CPXM2: variants seen among roughly 807,000 people sequenced by gnomAD.
CPXM2 encodes the protein inactive carboxypeptidase-like protein X2.
CPXM2 carries 66 observed loss-of-function variants against 86.1 expected under a neutral mutation model. That is an observed-to-expected ratio of 0.77 (90% CI 0.63 to 0.94). The LOEUF (loss-of-function observed/expected upper bound fraction) is 0.94, where lower values mean the gene tolerates loss of function less well. CPXM2 is among the 40% of genes least tolerant of loss of function. CPXM2 has a pLI of 0.00. For missense variants in CPXM2, 948 were observed against 1,026.3 expected, an observed-to-expected ratio of 0.92 and a Z score of 1.04; for synonymous variants, 388 against 400.2, an observed-to-expected ratio of 0.97 and a Z score of 0.36.
intron 10 of CPXM2, among the ~76,000 whole-genome samples, chr10:123,763,982 T>C (rs1280976575): frequency 2.0e-5 from 3 of 152,202 alleles, no homozygotes; most frequent in Non-Finnish European, 1.5e-5. Flanking sequence ...CCTCCCACAC[T>C]GGGGGCTTTT....
chr10:123,776,885 T>C (rs1258010701), intron 7 of CPXM2: 1 of 152,230 alleles, frequency 6.6e-6, no homozygotes, highest in African/African-American at 2.4e-5. Context: ...ATATTGTTTA[T>C]CCAGTGAATG....
rs776975412 is a variant in CPXM2, at chr10:123,842,484, C to T, written c.518G>A (p.Gly173Asp). ...AHRGRLNIQA[G>D]INENDFYDGA... The stretch of plus-strand genomic sequence containing the variant: ...GTCATAAAAATCATTTTCATTAATG[C>T]CCGCCTAGAAAGAAAGAAAGCGGTG... Residue 173 changes from glycine (G) to aspartate (D), a missense_variant, in exon 4 of 14, where the codon GGC (glycine) becomes GAC (aspartate). Physicochemically the swap from Gly to Asp is moderately conservative, Grantham distance 94 (BLOSUM62 -1). Transcript: ENST00000241305. 11 of 1,613,996 alleles carry T rather than the reference C, an allele frequency of 6.8e-6. No individual in the cohort carries two copies. The highest frequency in any genetic ancestry group is 9.3e-6 in the Non-Finnish European group (11 of 1,179,910).
rs145942599 is a variant in CPXM2, at chr10:123,844,143, G to A, written c.514-1655C>T. On this transcript the variant is annotated intron_variant, in intron 3 of 13. Coordinates refer to ENST00000241305, the MANE Select transcript of CPXM2 (RefSeq NM_198148.3). ...GTGCCTGGGAGAATTCAGTGAAAGA[G>A]GAGGTACCAGCCCCAGAGATGTTAC... 3.6e-4 allele frequency among the ~76,000 whole-genome samples: 55 copies of A among 152,238 alleles called. No individual in the cohort carries two copies. The East Asian group carries it at 8.1e-3, about 22-fold the overall frequency.
chr10:123,798,618 A>C (rs1054953221), intron 5 of CPXM2, among the ~76,000 whole-genome samples: 1 of 152,166 alleles, frequency 6.6e-6, no homozygotes, highest in Non-Finnish European at 1.5e-5. Flanking sequence ...TAAGAATGAG[A>C]AAGAAGGTTG....
chr10:123,881,407 G>T (rs1477146569), intron 1 of CPXM2, among the ~76,000 whole-genome samples: 1 of 151,840 alleles, frequency 6.6e-6, no homozygotes, highest in Non-Finnish European at 1.5e-5. Context: ...GTTGCCTCTA[G>T]GTAGAGCCTG....
At chr10:123,765,183 GAGA>G (rs1846440152) in intron 10 of CPXM2, among the ~76,000 whole-genome samples, 1 of 152,166 alleles carries the variant, frequency 6.6e-6, no homozygotes, top group South Asian at 2.1e-4. Context: ...CAGGATTATT[GAGA>G]AGAATATTCT....
chr10:123,845,230 C>T (rs554830421), intron 3 of CPXM2, among the ~76,000 whole-genome samples: 8 of 152,066 alleles, frequency 5.3e-5, no homozygotes, highest in African/African-American at 1.4e-4. Context: ...AAACAGTAAC[C>T]TCTGGGGGCA....
At chr10:123,838,438 A>G (rs1848320491) in intron 4 of CPXM2, among the ~76,000 whole-genome samples, 1 of 152,212 alleles carries the variant, frequency 6.6e-6, no homozygotes, top group East Asian at 1.9e-4. Flanking sequence ...TGGGTGACAG[A>G]GCGAGACTCC....
At chr10:123,857,158 T>C (rs543761102) in intron 3 of CPXM2, among the ~76,000 whole-genome samples, 1 of 152,180 alleles carries the variant, frequency 6.6e-6, no homozygotes, top group Non-Finnish European at 1.5e-5. Context: ...AATGTAGTGA[T>C]AAAATGTAAA....
chr10:123,799,752 A>T (rs573017853), intron 4 of CPXM2, among the ~76,000 whole-genome samples: 3 of 152,204 alleles, frequency 2.0e-5, no homozygotes, highest in Non-Finnish European at 4.4e-5. Flanking sequence ...TCCCCACCCC[A>T]GGAAGAATCC....
chr10:123,831,285 T>C (rs10218895), intron 4 of CPXM2, among the ~76,000 whole-genome samples: 54,766 of 151,954 alleles, frequency 0.36, 11,890 homozygotes, highest in African/African-American at 0.61. Flanking sequence ...CTTGAGGGAC[T>C]GGGAAGAGAG....
chr10:123,827,174 G>C (rs1848066039), intron 4 of CPXM2, among the ~76,000 whole-genome samples: 1 of 152,140 alleles, frequency 6.6e-6, no homozygotes, highest in South Asian at 2.1e-4. Context: ...AACATTATCT[G>C]ATGCAATGAG....
intron 2 of CPXM2, among the ~76,000 whole-genome samples, chr10:123,916,584 C>T (rs1945535068): frequency 1.3e-5 from 2 of 152,162 alleles, no homozygotes; most frequent in African/African-American, 2.4e-5. Flanking sequence ...GCTTTCCATG[C>T]GTGCATCTGG....
intron 2 of CPXM2, among the ~76,000 whole-genome samples, chr10:123,909,492 C>T (rs1456649272): frequency 6.6e-6 from 1 of 152,230 alleles, no homozygotes. Flanking sequence ...CAAGCGGAAG[C>T]CCGGCCAGGC....
In CPXM2 at chr10:123,754,673, G is replaced by A. The variant is rs776026818; in HGVS notation, c.2007C>T (p.Asp669=). ...CACATTTGCAGTTACCTGTTCGGAT[G>A]TCATGGTTAATGCCTTCTACGGAGA... ...AIISVEGINH[D]IRTANDGDYW... The change falls in exon 13 of 14, where the codon GAC becomes GAT. Residue 669 remains aspartate (D), a synonymous_variant. Coordinates refer to ENST00000241305, the MANE Select transcript of CPXM2 (RefSeq NM_198148.3). The surrounding 1 kb of genome is among the most constrained non-coding windows in gnomAD (Gnocchi z 4.0). The A allele has an allele frequency of 1.3e-6, 2 of 1,575,778 alleles. No individual in the cohort carries two copies. The highest frequency in any genetic ancestry group is 2.2e-5 in the East Asian group (1 of 44,694).
intron 4 of CPXM2, among the ~76,000 whole-genome samples, chr10:123,827,932 G>A (rs1848081788): frequency 6.6e-6 from 1 of 152,138 alleles, no homozygotes; most frequent in Non-Finnish European, 1.5e-5. Flanking sequence ...GAGAGGCCAA[G>A]GCAGGTGGAT....
At position 123,754,556 on chromosome 10, in the gene CPXM2, CT is replaced by C; in HGVS notation, c.2017+106del. ...AGAGGAAGGAGACTGTAATTTGGCT[CT>C]GAGTAAGACATTTCTGGCAGTCATT... On this transcript the variant is annotated intron_variant, in intron 13 of 13. Coordinates refer to ENST00000241305, the MANE Select transcript of CPXM2 (RefSeq NM_198148.3). The surrounding 1 kb of genome is among the most constrained non-coding windows in gnomAD (Gnocchi z 4.0). The C allele has an allele frequency of 1.4e-6, 1 of 692,690 alleles. No homozygotes were observed. The highest frequency in any genetic ancestry group is 1.8e-5 in the African/African-American group (1 of 56,356). The allele number at this position is 692,690 out of a possible 1,614,324, so 42.9% of individuals were successfully genotyped here. A position where few individuals can be genotyped will look rare whatever the true frequency, so the allele number is the denominator to read the frequency against.
intron 4 of CPXM2, among the ~76,000 whole-genome samples, chr10:123,840,514 G>T (rs1020458814): frequency 1.3e-5 from 2 of 152,224 alleles, no homozygotes; most frequent in Non-Finnish European, 2.9e-5. Flanking sequence ...AATTGGGACA[G>T]TGGTGGAGGT....
At chr10:123,803,745 T>C (rs1847515295) in intron 4 of CPXM2, among the ~76,000 whole-genome samples, 1 of 152,136 alleles carries the variant, frequency 6.6e-6, no homozygotes, top group African/African-American at 2.4e-5. Flanking sequence ...CACTGCAACC[T>C]CTGCCTCCTG....
Sources: allele counts gnomAD v4.1 joint callset (sites outside exome capture counted in the v4.1 genomes callset), GRCh38; gene constraint gnomAD v4.1.1; non-coding constraint Gnocchi (gnomAD v3.1); transcripts MANE v1.5; gene names NCBI Gene and HGNC (gene_info 2026-07-23, HGNC 2026-07-21).